The following TACR1 variants were observed in gnomAD, a reference collection of about 807,000 sequenced individuals.
The protein encoded by TACR1 is tachykinin receptor 1.
A neutral mutation model predicts 35.8 loss-of-function variants in TACR1; 25 were observed. That is an observed-to-expected ratio of 0.70 (90% CI 0.51 to 0.98). The LOEUF is 0.98. TACR1 is among the 50% of genes least tolerant of loss of function. The pLI, the probability that TACR1 is intolerant of heterozygous loss-of-function variation, is 0.00. For synonymous variants in TACR1, 195 were observed against 206.7 expected (o/e 0.94, Z 0.48); for missense variants, 478 against 522.9 (o/e 0.91, Z 0.84).
At chr2:75,148,123 T>C (rs922652838) in intron 1 of TACR1, among the ~76,000 whole-genome samples, 13 of 152,206 alleles carry the variant, frequency 8.5e-5, no homozygotes, top group Non-Finnish European at 1.6e-4. Context: ...TTATCATTGA[T>C]GGGCATTTGG....
chr2:75,198,014 A>AAAC (rs557300076), intron 1 of TACR1, among the ~76,000 whole-genome samples: 1 of 152,144 alleles, frequency 6.6e-6, no homozygotes, highest in East Asian at 1.9e-4. Flanking sequence ...CCAACCAACC[A>AAAC]AACAACAACA....
At chr2:75,106,357 T>C (rs1160590141) in intron 2 of TACR1, among the ~76,000 whole-genome samples, 1 of 150,826 alleles carries the variant, frequency 6.6e-6, no homozygotes. Flanking sequence ...TTCAGTGTGT[T>C]GTGATATCAG....
chr2:75,126,100 A>G (rs1201475843), intron 1 of TACR1, among the ~76,000 whole-genome samples: 1 of 152,016 alleles, frequency 6.6e-6, no homozygotes, highest in Non-Finnish European at 1.5e-5. Context: ...AGTAGACCCC[A>G]GTGTCTGTTT....
At chr2:75,067,513 G>A (rs55970490) in intron 2 of TACR1, among the ~76,000 whole-genome samples, 36,675 of 152,052 alleles carry the variant, frequency 0.24, 5,569 homozygotes, top group African/African-American at 0.4. Context: ...TGAGATGCTT[G>A]AAGTATAGTG....
chr2:75,163,673 C>T (rs527514938), intron 1 of TACR1, among the ~76,000 whole-genome samples: 4 of 151,972 alleles, frequency 2.6e-5, no homozygotes, highest in African/African-American at 4.8e-5. Context: ...TGATATTCAA[C>T]GTTGTTTTCA....
At chr2:75,178,717 T>C (rs1375437399) in intron 1 of TACR1, among the ~76,000 whole-genome samples, 2 of 152,184 alleles carry the variant, frequency 1.3e-5, no homozygotes, top group Admixed American at 6.5e-5. Flanking sequence ...TTGGTCCTCA[T>C]TTTACTTAAC....
At chr2:75,156,292 A>G (rs1326509801) in intron 1 of TACR1, 1 of 152,368 alleles carries the variant, frequency 6.6e-6, no homozygotes, top group Non-Finnish European at 1.5e-5. Context: ...AACCTCTGGA[A>G]CCACCAGAAG....
At chr2:75,133,229 A>G (rs1674212068) in intron 1 of TACR1, among the ~76,000 whole-genome samples, 1 of 152,250 alleles carries the variant, frequency 6.6e-6, no homozygotes, top group Non-Finnish European at 1.5e-5. Flanking sequence ...ATTTAAGAAG[A>G]AAAAATTTTT....
intron 2 of TACR1, among the ~76,000 whole-genome samples, chr2:75,101,071 G>C (rs6757431): frequency 0.13 from 20,014 of 151,894 alleles, 1,616 homozygotes; most frequent in East Asian, 0.29. Context: ...TGAATAACAT[G>C]TTGGACACGG....
At chr2:75,065,273 A>G (rs1349079398) in intron 2 of TACR1, among the ~76,000 whole-genome samples, 1 of 152,164 alleles carries the variant, frequency 6.6e-6, no homozygotes, top group Non-Finnish European at 1.5e-5. Flanking sequence ...ATTCCTTACC[A>G]TGTCATGGTG....
rs1019853150 is a variant in TACR1, at chr2:75,135,520, C to T, written c.390-14752G>A. Among the ~76,000 whole-genome samples the T allele has an allele frequency of 8.5e-5, 13 of 152,306 alleles. No homozygotes were observed. The South Asian group carries it at 1.9e-3, about 22-fold the overall frequency. On this transcript the variant is annotated intron_variant, in intron 1 of 4. Transcript: ENST00000305249. ...TGGATCCAGTGTCCCGGCGCCCGTGCTATCCGTGCTACTGGCTGGATCCAG... is the reference window on the plus strand; with the variant it reads ...TGGATCCAGTGTCCCGGCGCCCGTGTTATCCGTGCTACTGGCTGGATCCAG...
chr2:75,084,521 C>T (rs1032042750), intron 2 of TACR1, among the ~76,000 whole-genome samples: 18 of 152,324 alleles, frequency 1.2e-4, no homozygotes, highest in South Asian at 4.1e-4. Context: ...CCTCCTTGTA[C>T]CTCTGGTAGA....
intron 1 of TACR1, among the ~76,000 whole-genome samples, chr2:75,165,399 C>G (rs994997142): frequency 1.3e-5 from 2 of 152,090 alleles, no homozygotes; most frequent in East Asian, 1.9e-4. Flanking sequence ...AAGCTCGCCT[C>G]CAGGGTTCAC....
intron 1 of TACR1, among the ~76,000 whole-genome samples, chr2:75,147,478 G>A (rs1453120291): frequency 6.6e-6 from 1 of 152,144 alleles, no homozygotes; most frequent in East Asian, 1.9e-4. Context: ...ATATATGCGT[G>A]CCATGGTGGT....
At chr2:75,190,008 G>T (rs1303173753) in intron 1 of TACR1, 2 of 152,120 alleles carry the variant, frequency 1.3e-5, no homozygotes, top group Admixed American at 6.5e-5. Context: ...CATGTTTAAA[G>T]ATTTATTGAG....
chr2:75,064,496 T>TG (rs1290569214), intron 2 of TACR1, among the ~76,000 whole-genome samples: 2 of 151,950 alleles, frequency 1.3e-5, no homozygotes, highest in Non-Finnish European at 2.9e-5. Context: ...TTGATCTGTG[T>TG]GGGGAAAAAA....
intron 1 of TACR1, among the ~76,000 whole-genome samples, chr2:75,153,991 A>T (rs1316199948): frequency 6.6e-6 from 1 of 152,146 alleles, no homozygotes; most frequent in East Asian, 1.9e-4. Context: ...CACTTTTGAT[A>T]AGGAAACTGG....
At chr2:75,077,494 G>A (rs946136043) in intron 2 of TACR1, among the ~76,000 whole-genome samples, 1 of 152,100 alleles carries the variant, frequency 6.6e-6, no homozygotes, top group Non-Finnish European at 1.5e-5. Context: ...AGAGGTTGTT[G>A]GTAAAATCCA....
At chr2:75,104,785 T>A (rs914705948) in intron 2 of TACR1, among the ~76,000 whole-genome samples, 12 of 151,918 alleles carry the variant, frequency 7.9e-5, no homozygotes, top group Non-Finnish European at 1.5e-4. Flanking sequence ...ATGAGAAAAA[T>A]GCTCAGCAGC....
Sources: allele counts gnomAD v4.1 joint callset (sites outside exome capture counted in the v4.1 genomes callset), GRCh38; gene constraint gnomAD v4.1.1; transcripts MANE v1.5; gene names NCBI Gene and HGNC (gene_info 2026-07-23, HGNC 2026-07-21).